Variants in CRYBG1 observed in about 807,000 individuals in gnomAD.
CRYBG1 encodes the protein beta/gamma crystallin domain-containing protein 1.
CRYBG1 carries 139 observed loss-of-function variants against 189.2 expected under a neutral mutation model. That is an observed-to-expected ratio of 0.73 (90% CI 0.64 to 0.85). CRYBG1 has a LOEUF of 0.85. CRYBG1 is among the 40% of genes least tolerant of loss of function. The pLI, the probability that CRYBG1 is intolerant of heterozygous loss-of-function variation, is 0.00. For missense variants in CRYBG1, 2,611 were observed against 2,675.8 expected (o/e 0.98, Z 0.53); for synonymous variants, 1,023 against 1,017.1 (o/e 1.01, Z -0.11).
chr6:106,475,279 A>C (rs138389853), intron 2 of CRYBG1, among the ~76,000 whole-genome samples: 49 of 152,344 alleles, frequency 3.2e-4, no homozygotes, highest in African/African-American at 1.2e-3. Context: ...TTTTTAGCCT[A>C]AGAAATGTCC....
chr6:106,491,694 C>A (rs1371325765), intron 2 of CRYBG1, among the ~76,000 whole-genome samples: 1 of 152,092 alleles, frequency 6.6e-6, no homozygotes, highest in Non-Finnish European at 1.5e-5. Context: ...CTCTTAACAC[C>A]TTACGTCTGA....
chr6:106,377,987 A>G (rs182147832), intron 1 of CRYBG1, among the ~76,000 whole-genome samples: 28 of 152,118 alleles, frequency 1.8e-4, no homozygotes, highest in African/African-American at 6.7e-4. Flanking sequence ...GCTTCAGGGT[A>G]TTTTTCCATA....
chr6:106,518,975 G>GTGCACA (rs1773508868), intron 3 of CRYBG1, among the ~76,000 whole-genome samples, 156 bp from the exon 4 acceptor site: 1 of 134,288 alleles, frequency 7.4e-6, no homozygotes, highest in Non-Finnish European at 1.7e-5. Context: ...ACATGTGTGC[G>GTGCACA]CACACACACA....
intron 2 of CRYBG1, among the ~76,000 whole-genome samples, chr6:106,462,878 G>C (rs1772041091): frequency 6.6e-6 from 1 of 152,202 alleles, no homozygotes; most frequent in Admixed American, 6.5e-5. Context: ...ATGTGGACAG[G>C]CTCAGTGGCT....
chr6:106,563,609 C>T (rs1774788741), intron 20 of CRYBG1, among the ~76,000 whole-genome samples, 155 bp from the exon 21 acceptor site: 1 of 152,136 alleles, frequency 6.6e-6, no homozygotes, highest in Non-Finnish European at 1.5e-5. Flanking sequence ...ATTTATTGTC[C>T]GATTCTAGTT....
chr6:106,428,271 A>G (rs1771264368), intron 1 of CRYBG1, among the ~76,000 whole-genome samples: 1 of 152,246 alleles, frequency 6.6e-6, no homozygotes, highest in Non-Finnish European at 1.5e-5. Context: ...AATTGGACAT[A>G]GTATATTAGA....
At chr6:106,488,106 G>T (rs528568320) in intron 2 of CRYBG1, among the ~76,000 whole-genome samples, 1 of 152,328 alleles carries the variant, frequency 6.6e-6, no homozygotes, top group Admixed American at 6.5e-5. Flanking sequence ...GATTAGCTCA[G>T]TGTCCCAGAC....
At chr6:106,467,742 T>C (rs978446758) in intron 2 of CRYBG1, among the ~76,000 whole-genome samples, 1 of 152,136 alleles carries the variant, frequency 6.6e-6, no homozygotes, top group African/African-American at 2.4e-5. Context: ...ACATCAAAAT[T>C]TATTTGCCAG....
intron 2 of CRYBG1, among the ~76,000 whole-genome samples, chr6:106,504,484 C>T (rs1339567972): frequency 6.6e-6 from 1 of 151,842 alleles, no homozygotes; most frequent in Admixed American, 6.6e-5. Flanking sequence ...GTTCTGTCTC[C>T]AGAATCATAA....
Position 106,563,862 on chromosome 6 carries a change from G to A in CRYBG1, c.6237G>A (p.Trp2079Ter), listed in dbSNP as rs1393446551. 6.2e-7 allele frequency: 1 copy of A among 1,613,658 alleles called. No homozygotes were observed. The highest frequency in any genetic ancestry group is 1.1e-5 in the South Asian group (1 of 91,072). The stretch of plus-strand genomic sequence containing the variant: ...ACCAGAATGCTGACAGCCAGTTCTG[G>A]AGCTTGAAGTCCGATGGCAGGATTT... ...ALDQNADSQF[W>*]SLKSDGRIYS... The change falls in exon 21 of 22, where the codon TGG becomes TGA. Residue 2079 changes from tryptophan to a stop codon, truncating the protein, a stop_gained. Transcript: ENST00000633556. LOFTEE classifies it high-confidence loss of function.
At position 106,520,611 on chromosome 6, in the gene CRYBG1, G is replaced by T; in HGVS notation, c.3403G>T (p.Ala1135Ser). ...RKKARMPNSP[A>S]PHFAMPPIHE... Reference sequence around the variant, plus strand: ...GAAGGCCAGGATGCCAAACTCTCCTGCTCCTCACTTTGCCATGCCTCCTAT... The same window carrying T: ...GAAGGCCAGGATGCCAAACTCTCCTTCTCCTCACTTTGCCATGCCTCCTAT... The change falls in exon 4 of 22, where the codon GCT becomes TCT. Residue 1135 changes from alanine (A) to serine (S), a missense_variant. Transcript: ENST00000633556. 6.2e-7 allele frequency: 1 copy of T among 1,614,170 alleles called. No homozygotes were observed. Among genetic ancestry groups the T allele is most frequent in the Non-Finnish European group, 8.5e-7 (1 of 1,180,022 alleles).
At chr6:106,482,395 G>C (rs1772482082) in intron 2 of CRYBG1, among the ~76,000 whole-genome samples, 1 of 120,388 alleles carries the variant, frequency 8.3e-6, no homozygotes, top group Non-Finnish European at 1.7e-5. Flanking sequence ...GATTATGGGA[G>C]TGTCATCCAT....
chr6:106,561,446 T>TGTCGG lies in CRYBG1; in HGVS notation c.6086_6090dup (p.Ala2031SerfsTer19). On this transcript the variant is annotated frameshift_variant, in exon 20 of 22. Coordinates refer to ENST00000633556, the MANE Select transcript of CRYBG1 (RefSeq NM_001371242.2). LOFTEE classifies it high-confidence loss of function. ...TTCTGAGGATACAGGTCATGGAGGA[T>TGTCGG]GTCGGGGCCGATGATCAGATTTGGA... 1 of 1,614,164 alleles carries TGTCGG rather than the reference T, an allele frequency of 6.2e-7. No homozygotes were observed. The highest frequency in any genetic ancestry group is 8.5e-7 in the Non-Finnish European group (1 of 1,179,980).
At chr6:106,468,642 A>C (rs1772161048) in intron 2 of CRYBG1, among the ~76,000 whole-genome samples, 1 of 152,246 alleles carries the variant, frequency 6.6e-6, no homozygotes, top group Admixed American at 6.5e-5. Context: ...GTGAGCCATG[A>C]TAGTGCCATT....
chr6:106,530,048 T>G (rs976295307), intron 7 of CRYBG1, 128 bp from the exon 8 acceptor site: 239 of 810,608 alleles, frequency 2.9e-4, no homozygotes, highest in East Asian at 1.1e-4. Context: ...AAATGGCAGG[T>G]GCTCTGTGAA....
chr6:106,570,669 C>T lies in CRYBG1; in HGVS notation c.*2103C>T, dbSNP rs921444073. ...TCCTGGCTCAAGTATTTTACTCCCA[C>T]TACCACCTGGGAGCCCTCCAGGAAA... On this transcript the variant is annotated 3_prime_UTR_variant, in exon 22 of 22. Transcript: ENST00000633556. The T allele has an allele frequency of 6.6e-5, 10 of 152,314 alleles. No individual in the cohort carries two copies. The highest frequency in any genetic ancestry group is 2.2e-4 in the African/African-American group (9 of 41,568). 9.4% of individuals were successfully genotyped at this position (152,314 alleles called of 1,614,324 possible).
intron 1 of CRYBG1, among the ~76,000 whole-genome samples, chr6:106,416,507 A>T (rs1172722613): frequency 2.0e-5 from 3 of 152,196 alleles, no homozygotes; most frequent in Non-Finnish European, 4.4e-5. Context: ...GACAGTTGCT[A>T]GGCTGGTTCT....
At chr6:106,463,280 T>G (rs549140502) in intron 2 of CRYBG1, among the ~76,000 whole-genome samples, 2 of 152,206 alleles carry the variant, frequency 1.3e-5, no homozygotes, top group South Asian at 2.1e-4. Context: ...CTTTGTAAAG[T>G]GGGAGGTGGC....
chr6:106,501,253 C>T (rs1295686031), intron 2 of CRYBG1, among the ~76,000 whole-genome samples: 3 of 152,184 alleles, frequency 2.0e-5, no homozygotes, highest in African/African-American at 7.2e-5. Flanking sequence ...TGCTGTTTTA[C>T]ATAGGGTGAT....
Sources: gnomAD v4.1 joint callset for allele counts (sites outside exome capture counted in the v4.1 genomes callset) on GRCh38, gnomAD v4.1.1 for gene constraint, MANE v1.5 for transcripts, NCBI Gene and HGNC (gene_info 2026-07-23, HGNC 2026-07-21) for gene names.